Variants in SPECC1 observed in about 807,000 individuals in gnomAD.
The protein encoded by SPECC1 is sperm antigen with calponin homology and coiled-coil domains 1, also known as cytospin-B.
In SPECC1, 62 loss-of-function variants were observed where a neutral mutation model predicts 104.1. That is an observed-to-expected ratio of 0.60 (90% confidence interval 0.49 to 0.74). SPECC1 has a LOEUF of 0.74. SPECC1 is among the 30% of genes least tolerant of loss of function. The pLI is 0.00. For missense variants in SPECC1, 1,306 were observed against 1,310.5 expected (o/e 1.00, Z 0.05); for synonymous variants, 513 against 501.6 (o/e 1.02, Z -0.30).
chr17:20,204,625 GAAA>G lies in SPECC1; in HGVS notation c.577_579del (p.Lys193del), dbSNP rs781614526. The G allele has an allele frequency of 1.2e-6, 2 of 1,614,048 alleles. No individual in the cohort carries two copies. Among genetic ancestry groups the G allele is most frequent in the Non-Finnish European group, 1.7e-6 (2 of 1,180,036 alleles). On this transcript the variant is annotated inframe_deletion, in exon 4 of 15. Transcript: ENST00000395527. ...TTAACAGGCTTCGAAGTGAACTAAA[GAAA>G]TACAAAGAGAAAAGGACTCTGAACG...
intron 1 of SPECC1, among the ~76,000 whole-genome samples, chr17:20,036,745 A>C (rs1200590627): frequency 6.6e-6 from 1 of 152,188 alleles, no homozygotes; most frequent in African/African-American, 2.4e-5. Flanking sequence ...CAATCATGTC[A>C]TCTGCAAACA....
chr17:20,110,727 G>A (rs2048447882), intron 3 of SPECC1, among the ~76,000 whole-genome samples, 165 bp downstream of exon 3: 1 of 152,140 alleles, frequency 6.6e-6, no homozygotes, highest in Non-Finnish European at 1.5e-5. Flanking sequence ...CCCACAGGGA[G>A]TTTACATCTA....
At chr17:20,073,596 C>T (rs1239446189) in intron 1 of SPECC1, 2 of 152,188 alleles carry the variant, frequency 1.3e-5, no homozygotes, top group Admixed American at 6.5e-5. Flanking sequence ...CGGCCCCCTC[C>T]GAGTGTGGTT....
chr17:20,045,704 C>G (rs895380467), intron 1 of SPECC1, among the ~76,000 whole-genome samples: 31 of 152,176 alleles, frequency 2.0e-4, no homozygotes, highest in African/African-American at 7.5e-4. Flanking sequence ...CACGTTCCTC[C>G]TACTGAGCCC....
intron 4 of SPECC1, among the ~76,000 whole-genome samples, chr17:20,226,217 A>G (rs969489653): frequency 6.6e-6 from 1 of 152,244 alleles, no homozygotes; most frequent in Admixed American, 6.5e-5. Context: ...ATAAAATAAT[A>G]TAGTCAAACA....
At chr17:20,172,588 C>G (rs2034171362) in intron 3 of SPECC1, among the ~76,000 whole-genome samples, 1 of 152,044 alleles carries the variant, frequency 6.6e-6, no homozygotes, top group Non-Finnish European at 1.5e-5. Flanking sequence ...ATGTGAGGGC[C>G]CATGGCAGGC....
intron 3 of SPECC1, among the ~76,000 whole-genome samples, chr17:20,132,893 C>G (rs1174915627): frequency 6.6e-6 from 1 of 152,012 alleles, no homozygotes; most frequent in Admixed American, 6.6e-5. Flanking sequence ...GCGCCCGCCA[C>G]CATGCCCAGC....
rs2047018999 is a variant in SPECC1, at chr17:20,082,663, CCT to C, written c.-21-13967_-21-13966del. On this transcript the variant is annotated intron_variant, in intron 1 of 14. Coordinates refer to ENST00000395527, the MANE Select transcript of SPECC1 (RefSeq NM_001243439.2). ...TCACATGGTTATCCCTCTGTGTGTG[CCT>C]GTGTCCTAATCTTTTCTTATATGGA... is the stretch of plus-strand genomic sequence containing the variant. Among the ~76,000 whole-genome samples the C allele has an allele frequency of 2.6e-5, 4 of 152,176 alleles. No individual in the cohort carries two copies. The South Asian group carries it at 6.2e-4, about 24-fold the overall frequency.
chr17:20,112,364 G>A, intron 3 of SPECC1: 1 of 756,660 alleles, frequency 1.3e-6, no homozygotes, highest in Non-Finnish European at 2.5e-6. Context: ...CTCATTGATT[G>A]AACACCTAGA....
chr17:20,167,599 A>G (rs897005301), intron 3 of SPECC1, among the ~76,000 whole-genome samples: 1 of 152,114 alleles, frequency 6.6e-6, no homozygotes, highest in East Asian at 1.9e-4. Context: ...AATCACTTGA[A>G]CCCAGGAGGT....
At chr17:20,090,722 C>T (rs2047369423) in intron 1 of SPECC1, among the ~76,000 whole-genome samples, 1 of 152,054 alleles carries the variant, frequency 6.6e-6, no homozygotes, top group Non-Finnish European at 1.5e-5. Flanking sequence ...GGTCATTTAG[C>T]TCTTTGGGAT....
At chr17:20,056,401 G>T in intron 1 of SPECC1, 1 of 185,776 alleles carries the variant, frequency 5.4e-6, no homozygotes, top group South Asian at 1.2e-4. Context: ...CTGGCGTCCG[G>T]AGAAGGGCGA....
At chr17:20,289,842 G>A (rs2041099926) in intron 12 of SPECC1, among the ~76,000 whole-genome samples, 1 of 152,162 alleles carries the variant, frequency 6.6e-6, no homozygotes, top group South Asian at 2.1e-4. Context: ...TGTTCTTGGA[G>A]CGAGTGTTAT....
intron 5 of SPECC1, among the ~76,000 whole-genome samples, 158 bp from the exon 6 acceptor site, chr17:20,231,600 G>A (rs2038584779): frequency 6.6e-6 from 1 of 152,108 alleles, no homozygotes; most frequent in Non-Finnish European, 1.5e-5. Flanking sequence ...TGGTTTACAG[G>A]GTAAATTGAA....
rs960594894 is a variant in SPECC1, at chr17:20,205,653, A to C, written c.1604A>C (p.Lys535Thr). 6.2e-7 allele frequency: 1 copy of C among 1,614,220 alleles called. No homozygotes were observed. The highest frequency in any genetic ancestry group is 8.5e-7 in the Non-Finnish European group (1 of 1,180,032). Residue 535 changes from lysine (K) to threonine (T), a missense_variant, in exon 4 of 15, where the codon AAA (lysine) becomes ACA (threonine). Around this residue, in one of 2 missense-constraint regions of SPECC1, gnomAD observed 1,177 missense variants for 1,139.9 expected, o/e 1.03. Transcript: ENST00000395527. ...LERHNNNMMA[K>T]TLEECRVTLE... ...CGGCATAATAATAACATGATGGCCA[A>C]AACTTTGGAAGAGTGTAGAGTTACC...
intron 13 of SPECC1, among the ~76,000 whole-genome samples, chr17:20,299,316 G>T (rs954407446): frequency 6.6e-6 from 1 of 151,886 alleles, no homozygotes; most frequent in Non-Finnish European, 1.5e-5. Flanking sequence ...CACTTTGGGC[G>T]GCTGAGACAG....
chr17:20,129,245 C>T (rs1239168794), intron 3 of SPECC1, among the ~76,000 whole-genome samples: 1 of 150,476 alleles, frequency 6.6e-6, no homozygotes, highest in Non-Finnish European at 1.5e-5. Flanking sequence ...AGTGCAGTGG[C>T]ACCATCTCGG....
intron 1 of SPECC1, among the ~76,000 whole-genome samples, chr17:20,071,207 A>G (rs998212440): frequency 5.3e-5 from 8 of 152,258 alleles, no homozygotes; most frequent in Admixed American, 2.6e-4. Context: ...AGCTAAAACA[A>G]TCCATTCTTT....
chr17:20,209,044 A>C lies in SPECC1; in HGVS notation c.1863+3132A>C, dbSNP rs576319939. 8.5e-4 allele frequency among the ~76,000 whole-genome samples: 130 copies of C among 152,282 alleles called. 4 individuals are homozygous for C. In the South Asian group the frequency reaches 0.026, roughly 31 times the overall value. On this transcript the variant is annotated intron_variant, in intron 4 of 14. Coordinates refer to ENST00000395527, the MANE Select transcript of SPECC1 (RefSeq NM_001243439.2). ...TGATCTGATAGTTTTTATGTAATCA[A>C]GTTTTTTTCTCCTCTAACTTGTTAG... is the stretch of plus-strand genomic sequence containing the variant.
Sources: allele counts gnomAD v4.1 joint callset (sites outside exome capture counted in the v4.1 genomes callset), GRCh38; gene constraint gnomAD v4.1.1; regional missense constraint gnomAD v4.1.1; transcripts MANE v1.5; gene names NCBI Gene and HGNC (gene_info 2026-07-23, HGNC 2026-07-21).